XPR1: variants seen among roughly 807,000 people sequenced by gnomAD.
XPR1 encodes the protein solute carrier family 53 member 1.
XPR1 carries 28 observed loss-of-function variants against 87.5 expected under a neutral mutation model. That is an observed-to-expected ratio of 0.32 (90% CI 0.24 to 0.44). The LOEUF (loss-of-function observed/expected upper bound fraction) is 0.44, where lower values mean the gene tolerates loss of function less well. XPR1 is among the 20% of genes least tolerant of loss of function. The pLI, the probability that XPR1 is intolerant of heterozygous loss-of-function variation, is 1.00. For synonymous variants in XPR1, 300 were observed against 306.1 expected (o/e 0.98, Z 0.21); for missense variants, 559 against 862.3 (o/e 0.65, Z 4.41).
Position 180,800,408 on chromosome 1 carries a change from C to G in XPR1, c.224-2980C>G, listed in dbSNP as rs534312318. On this transcript the variant is annotated intron_variant, in intron 3 of 14. Coordinates refer to ENST00000367590, the MANE Select transcript of XPR1 (RefSeq NM_004736.4). Reference sequence around the variant, plus strand: ...TAGGGTTAAGAGTAGTCTCGAAGAGCTAAAAGCAGACCACAGATGAGAGCC... The same window carrying G: ...TAGGGTTAAGAGTAGTCTCGAAGAGGTAAAAGCAGACCACAGATGAGAGCC... Among the ~76,000 whole-genome samples the G allele has an allele frequency of 3.3e-5, 5 of 152,314 alleles. No individual in the cohort carries two copies. The East Asian group carries it at 9.6e-4, about 29-fold the overall frequency.
chr1:180,828,578 A>G (rs575416203), intron 9 of XPR1, among the ~76,000 whole-genome samples: 1 of 152,352 alleles, frequency 6.6e-6, no homozygotes, highest in South Asian at 2.1e-4. Flanking sequence ...CTTTAGTTCT[A>G]TAGTAAAAAT....
At chr1:180,637,318 T>C (rs73047683) in intron 1 of XPR1, among the ~76,000 whole-genome samples, 2,544 of 152,230 alleles carry the variant, frequency 0.017, 79 homozygotes, top group African/African-American at 0.056. Context: ...AATTATTATC[T>C]AGTTTTAGCC....
At chr1:180,731,394 T>C (rs1653177511) in intron 2 of XPR1, among the ~76,000 whole-genome samples, 1 of 151,962 alleles carries the variant, frequency 6.6e-6, no homozygotes, top group Non-Finnish European at 1.5e-5. Context: ...AAACAAGGGG[T>C]TTATATAGCA....
intron 2 of XPR1, among the ~76,000 whole-genome samples, chr1:180,773,254 T>A (rs1648589076): frequency 1.3e-5 from 2 of 152,078 alleles, no homozygotes; most frequent in South Asian, 4.2e-4. Context: ...GGAAAAAAAA[T>A]GTTCAGACGG....
intron 1 of XPR1, 30 bp downstream of exon 1, chr1:180,632,300 T>C (rs1303182236): frequency 1.2e-6 from 2 of 1,601,404 alleles, no homozygotes; most frequent in Admixed American, 1.7e-5. Flanking sequence ...GTGGGAGGAC[T>C]CGGAGGGGCC....
intron 1 of XPR1, among the ~76,000 whole-genome samples, chr1:180,659,702 A>G (rs1655698111): frequency 6.7e-6 from 1 of 149,992 alleles, no homozygotes; most frequent in South Asian, 2.1e-4. Flanking sequence ...TATTTTTAGT[A>G]GAGGTGGGGT....
At chr1:180,802,982 T>C (rs1456098863) in intron 3 of XPR1, among the ~76,000 whole-genome samples, 1 of 152,230 alleles carries the variant, frequency 6.6e-6, no homozygotes, top group East Asian at 1.9e-4. Flanking sequence ...CTATTATAAA[T>C]GCAAGTTAGT....
chr1:180,744,654 C>CTTTTTTTTTTTTTTTTTTTTTTT (rs71121048), intron 2 of XPR1, among the ~76,000 whole-genome samples: 12 of 102,396 alleles, frequency 1.2e-4, no homozygotes, highest in Admixed American at 2.3e-4. Flanking sequence ...CAATTTCTTT[C>CTTTTTTTTTTTTTTTTTTTTTTT]TTTTTTTTTT....
intron 2 of XPR1, among the ~76,000 whole-genome samples, chr1:180,743,642 A>G (rs1374998644): frequency 1.3e-5 from 2 of 152,134 alleles, no homozygotes; most frequent in Non-Finnish European, 2.9e-5. Flanking sequence ...TCAGCTATCC[A>G]AAGAAATTCC....
intron 2 of XPR1, among the ~76,000 whole-genome samples, chr1:180,688,917 A>G (rs575174140): frequency 6.6e-6 from 1 of 152,272 alleles, no homozygotes; most frequent in African/African-American, 2.4e-5. Flanking sequence ...AATTAGATAT[A>G]TATAAATTAC....
At chr1:180,859,079 CG>C (rs1436829707) in intron 11 of XPR1, among the ~76,000 whole-genome samples, 1 of 152,268 alleles carries the variant, frequency 6.6e-6, no homozygotes, top group Non-Finnish European at 1.5e-5. Flanking sequence ...TCTCTTTTCA[CG>C]TGGTGCCACA....
intron 9 of XPR1, among the ~76,000 whole-genome samples, chr1:180,825,824 G>T (rs34111145): frequency 6.6e-6 from 1 of 152,026 alleles, no homozygotes; most frequent in Non-Finnish European, 1.5e-5. Flanking sequence ...GCCAAGGCGG[G>T]TGGATCATCT....
intron 2 of XPR1, among the ~76,000 whole-genome samples, chr1:180,740,602 T>C (rs1658885152): frequency 6.6e-6 from 1 of 152,204 alleles, no homozygotes; most frequent in South Asian, 2.1e-4. Flanking sequence ...TTATAAGGGA[T>C]ATTGGTCTGT....
At chr1:180,660,764 A>G (rs1655742697) in intron 1 of XPR1, among the ~76,000 whole-genome samples, 1 of 140,374 alleles carries the variant, frequency 7.1e-6, no homozygotes, top group Admixed American at 7.1e-5. Flanking sequence ...TTGTGGCCTA[A>G]CATATGGTCT....
chr1:180,823,005 C>T (rs544619941), intron 7 of XPR1, among the ~76,000 whole-genome samples: 6 of 152,084 alleles, frequency 3.9e-5, no homozygotes, highest in Admixed American at 3.3e-4. Flanking sequence ...TTTGGGAGGC[C>T]GAGGAGGGCA....
At chr1:180,709,865 T>TC (rs1657702541) in intron 2 of XPR1, among the ~76,000 whole-genome samples, 1 of 151,890 alleles carries the variant, frequency 6.6e-6, no homozygotes. Flanking sequence ...GGGTTGTTTT[T>TC]CTCCTATTCT....
At chr1:180,668,639 TC>T (rs1656051562) in intron 1 of XPR1, among the ~76,000 whole-genome samples, 1 of 152,214 alleles carries the variant, frequency 6.6e-6, no homozygotes, top group African/African-American at 2.4e-5. Flanking sequence ...TTTACAATTT[TC>T]CTTGTGATTT....
At chr1:180,807,912 A>G (rs1268274600) in intron 6 of XPR1, among the ~76,000 whole-genome samples, 1 of 152,066 alleles carries the variant, frequency 6.6e-6, no homozygotes, top group Non-Finnish European at 1.5e-5. Flanking sequence ...GCTGAAGCAC[A>G]AGAATCACTT....
At chr1:180,679,263 G>A (rs1318786654) in intron 1 of XPR1, among the ~76,000 whole-genome samples, 1 of 152,082 alleles carries the variant, frequency 6.6e-6, no homozygotes, top group African/African-American at 2.4e-5. Flanking sequence ...TTCCTTTTTG[G>A]TATTTATATG....
Sources: gnomAD v4.1 joint callset for allele counts (sites outside exome capture counted in the v4.1 genomes callset) on GRCh38, gnomAD v4.1.1 for gene constraint, MANE v1.5 for transcripts, NCBI Gene and HGNC (gene_info 2026-07-23, HGNC 2026-07-21) for gene names.